Variants in KLRG1 observed in about 807,000 individuals in gnomAD.
The protein encoded by KLRG1 is killer cell lectin like receptor G1.
In KLRG1, 16 loss-of-function variants were observed where a neutral mutation model predicts 21.8. That is an observed-to-expected ratio of 0.73 (90% CI 0.50 to 1.11). KLRG1 has a LOEUF of 1.11. Ranked by LOEUF, KLRG1 falls within the 50% of genes most tolerant of loss-of-function variation. The pLI, the probability that KLRG1 is intolerant of heterozygous loss-of-function variation, is 0.00. For missense variants in KLRG1, 173 were observed against 218.3 expected (o/e 0.79, Z 1.31); for synonymous variants, 69 against 75.9 (o/e 0.91, Z 0.47).
chr12:9,086,562 G>A, the KLRG1 span, among the ~76,000 whole-genome samples: 1 of 152,132 alleles, frequency 6.6e-6, no homozygotes, highest in Admixed American at 6.5e-5. Flanking sequence ...CTTGTTAGAT[G>A]GAGAAAAAGT....
the KLRG1 span, chr12:9,028,806 G>C: frequency 1.6e-6 from 1 of 622,700 alleles, no homozygotes; most frequent in African/African-American, 1.8e-5. Flanking sequence ...CCTGGTCTTT[G>C]AGAATCTTCT....
At chr12:8,959,636 GGCA>G (rs1946351113) in intron 1 of KLRG1, among the ~76,000 whole-genome samples, 1 of 152,034 alleles carries the variant, frequency 6.6e-6, no homozygotes, top group Non-Finnish European at 1.5e-5. Flanking sequence ...TTTTTTTCAG[GGCA>G]GCAGGCAAGA....
the KLRG1 span, chr12:9,149,749 G>T: frequency 1.5e-6 from 1 of 646,458 alleles, no homozygotes; most frequent in Non-Finnish European, 2.6e-6. Context: ...AATTAAACAG[G>T]ATCATTAACA....
the KLRG1 span, chr12:9,058,463 A>T: frequency 6.9e-6 from 1 of 145,178 alleles, no homozygotes; most frequent in African/African-American, 2.9e-5. Flanking sequence ...ATAAACAAAC[A>T]TATATGTTTT....
chr12:9,170,001 A>G, the KLRG1 span: 1 of 153,530 alleles, frequency 6.5e-6, no homozygotes, highest in South Asian at 2.1e-4. The surrounding 1 kb of genome is among the most constrained non-coding windows in gnomAD (Gnocchi z 4.6). Flanking sequence ...TCAGACAGAA[A>G]ATCGTATAGA....
At chr12:9,100,366 C>T in the KLRG1 span, among the ~76,000 whole-genome samples, 5 of 152,266 alleles carry the variant, frequency 3.3e-5, no homozygotes, top group South Asian at 6.2e-4. Context: ...GTTTAAAAAT[C>T]TGGAATAAGC....
chr12:9,110,161 A>C, the KLRG1 span: 1 of 1,171,446 alleles, frequency 8.5e-7, no homozygotes, highest in Non-Finnish European at 1.2e-6. Flanking sequence ...GGGTGAGTAG[A>C]GGAGATGAGT....
At chr12:9,081,853 C>A in the KLRG1 span, among the ~76,000 whole-genome samples, 43 of 152,202 alleles carry the variant, frequency 2.8e-4, no homozygotes, top group Non-Finnish European at 2.9e-5. Flanking sequence ...CTCACAGTGA[C>A]CAGCATGTGG....
At chr12:9,150,803 G>T in the KLRG1 span, 1 of 1,054,444 alleles carries the variant, frequency 9.5e-7, no homozygotes, top group Non-Finnish European at 1.5e-6. Context: ...TTTCTCCCAT[G>T]AGCAAAACAT....
the KLRG1 span, chr12:9,115,728 T>C: frequency 2.0e-6 from 3 of 1,517,638 alleles, no homozygotes; most frequent in African/African-American, 2.7e-5. Context: ...TGAAGGACTC[T>C]AGGTTCATGC....
chr12:9,165,593 T>C, the KLRG1 span, among the ~76,000 whole-genome samples: 60 of 152,314 alleles, frequency 3.9e-4, 2 homozygotes, highest in African/African-American at 1.3e-3. Flanking sequence ...ATATCCCACA[T>C]GTCTGTACTT....
chr12:9,167,983 C>T, the KLRG1 span, among the ~76,000 whole-genome samples: 1 of 152,136 alleles, frequency 6.6e-6, no homozygotes, highest in Non-Finnish European at 1.5e-5. Context: ...TGAAGGTATA[C>T]TTAAACAGTC....
the KLRG1 span, chr12:9,115,852 T>A: frequency 6.2e-7 from 1 of 1,612,648 alleles, no homozygotes; most frequent in East Asian, 2.2e-5. Flanking sequence ...TTCCCCATGT[T>A]GCAGAAAGAA....
chr12:9,093,832 C>T, the KLRG1 span, among the ~76,000 whole-genome samples: 4 of 147,562 alleles, frequency 2.7e-5, no homozygotes, highest in Non-Finnish European at 4.4e-5. Context: ...AGGCCGAGGC[C>T]GAGACGGCGC....
At chr12:9,051,593 T>C in the KLRG1 span, among the ~76,000 whole-genome samples, 12 of 152,182 alleles carry the variant, frequency 7.9e-5, no homozygotes, top group Non-Finnish European at 1.2e-4. Flanking sequence ...GTTCTAACGC[T>C]TAGTATAGCT....
the KLRG1 span, chr12:9,076,819 C>G: frequency 1.2e-6 from 2 of 1,613,984 alleles, no homozygotes; most frequent in African/African-American, 1.3e-5. Context: ...TGGTTACCTG[C>G]CAGGGCAAAA....
chr12:8,955,677 C>G (rs2137198859), intron 1 of KLRG1, among the ~76,000 whole-genome samples: 1 of 152,080 alleles, frequency 6.6e-6, no homozygotes, highest in Non-Finnish European at 1.5e-5. Flanking sequence ...CAGGCATGAG[C>G]CATCAAGCCT....
At chr12:9,087,340 A>G in the KLRG1 span, among the ~76,000 whole-genome samples, 1 of 152,162 alleles carries the variant, frequency 6.6e-6, no homozygotes, top group Non-Finnish European at 1.5e-5. Flanking sequence ...AAAAACAAGA[A>G]CATTCTGCTA....
chr12:9,160,479 C>T, the KLRG1 span: 1 of 1,612,964 alleles, frequency 6.2e-7, no homozygotes, highest in East Asian at 2.2e-5. Flanking sequence ...ATAGCAGAAC[C>T]TAATATGTCA....
Sources: allele counts gnomAD v4.1 joint callset (sites outside exome capture counted in the v4.1 genomes callset), GRCh38; gene constraint gnomAD v4.1.1; non-coding constraint Gnocchi (gnomAD v3.1); transcripts MANE v1.5; gene names NCBI Gene and HGNC (gene_info 2026-07-23, HGNC 2026-07-21).